DICER1: variants seen among roughly 807,000 people sequenced by gnomAD.
The protein encoded by DICER1 is dicer 1, ribonuclease III.
Under a neutral mutation model 194.1 loss-of-function variants are expected in DICER1, and 43 were observed. The ratio of observed to expected loss-of-function variants is 0.22; its 90% CI spans 0.17 to 0.29. DICER1 has a LOEUF of 0.29. Ranked by LOEUF, DICER1 falls within the 10% of genes least tolerant of loss-of-function variation. DICER1 has a pLI of 1.00. For missense variants in DICER1, 1,608 were observed against 2,317.0 expected (o/e 0.69, Z 6.28); for synonymous variants, 832 against 820.5 (o/e 1.01, Z -0.24).
In DICER1 at chr14:95,096,162, CA is replaced by C; in HGVS notation, c.4757del (p.Leu1586ArgfsTer3). 6.2e-7 allele frequency: 1 copy of C among 1,614,208 alleles called. No homozygotes were observed. The highest frequency in any genetic ancestry group is 1.1e-5 in the South Asian group (1 of 91,084). On this transcript the variant is annotated frameshift_variant, in exon 23 of 27. Transcript: ENST00000343455. LOFTEE classifies it high-confidence loss of function. ...ERAAQLFLCS[L>X]GLKVLPVIKR... ...TAATTACCGGGAGCACCTTCAGCCC[CA>C]GTGAACAGAGGAAAAGCTGAGCAGC...
At chr14:95,108,665 G>A (rs1891680992) in intron 14 of DICER1, among the ~76,000 whole-genome samples, 162 bp from the exon 15 acceptor site, 1 of 152,196 alleles carries the variant, frequency 6.6e-6, no homozygotes, top group Admixed American at 6.5e-5. Context: ...AACCCTGCTG[G>A]GTAAGTCAGC....
intron 20 of DICER1, among the ~76,000 whole-genome samples, chr14:95,104,839 C>T (rs897049793): frequency 2.6e-5 from 4 of 152,208 alleles, no homozygotes; most frequent in Admixed American, 2.6e-4. Context: ...AATGCTGATG[C>T]AGTAACAAAG....
rs2139776894 is a variant in DICER1, at chr14:95,091,249, C to T, written c.5481G>A (p.Leu1827=). The change falls in exon 25 of 27, where the codon CTG becomes CTA. Residue 1827 remains leucine, a synonymous_variant. Coordinates refer to ENST00000343455, the MANE Select transcript of DICER1 (RefSeq NM_177438.3). ...GAIYMDSGMS[L]ETVWQVYYPM... ...GATAGTACACCTGCCAGACTGTCTCCAGTGACATCCCACTATCCATGTAAA... is the reference window on the plus strand; with the variant it reads ...GATAGTACACCTGCCAGACTGTCTCTAGTGACATCCCACTATCCATGTAAA... 6.2e-7 allele frequency: 1 copy of T among 1,614,124 alleles called. No individual in the cohort carries two copies. The highest frequency in any genetic ancestry group is 8.5e-7 in the Non-Finnish European group (1 of 1,180,028).
intron 8 of DICER1, among the ~76,000 whole-genome samples, chr14:95,121,037 G>A (rs1279374236): frequency 6.6e-6 from 1 of 152,086 alleles, no homozygotes; most frequent in Non-Finnish European, 1.5e-5. Flanking sequence ...TACCATGAGA[G>A]CCCCCTGATA....
rs1231360252 is a variant in DICER1, at chr14:95,104,051, T to C, written c.3345A>G (p.Ser1115=). The C allele has an allele frequency of 6.2e-7, 1 of 1,614,004 alleles. No individual in the cohort carries two copies. Among genetic ancestry groups the C allele is most frequent in the African/African-American group, 1.3e-5 (1 of 74,918 alleles). The change falls in exon 21 of 27, where the codon TCA becomes TCG. Residue 1115 remains serine (S), a synonymous_variant. Coordinates refer to ENST00000343455, the MANE Select transcript of DICER1 (RefSeq NM_177438.3). ...GCTTACAGTAATTATCATTTTCAGC[T>C]GAAGAGGAGTTAGAAATTGAGATGA... is the stretch of plus-strand genomic sequence containing the variant. ...KSFISISNSS[S]AENDNYCKHS... is the part of the protein sequence containing the mutation.
In DICER1 at chr14:95,105,855, C is replaced by T. The variant is rs1891371453; in HGVS notation, c.2988-72G>A. On this transcript the variant is annotated intron_variant, in intron 18 of 26. Coordinates refer to ENST00000343455, the MANE Select transcript of DICER1 (RefSeq NM_177438.3). This position sits in a 1 kb window ranked among gnomAD's most constrained non-coding sequence, Gnocchi z 4.9. ...CATATTCACAGTGGTTCTCCAAAAA[C>T]CACCTGAAGAGCTCATTTCAACTAC... 11 of 1,457,304 alleles carry T rather than the reference C, an allele frequency of 7.5e-6. No homozygotes were observed. The South Asian group carries it at 1.0e-4, about 14-fold the overall frequency. 90.3% of individuals were successfully genotyped at this position (1,457,304 alleles called of 1,614,324 possible).
At position 95,086,836 on chromosome 14, in the gene DICER1, A is replaced by G; in HGVS notation, c.*3662T>C. The G allele has an allele frequency of 4.3e-6, 1 of 232,598 alleles. No homozygotes were observed. The highest frequency in any genetic ancestry group is 6.1e-5 in the East Asian group (1 of 16,360). 14.4% of individuals were successfully genotyped at this position (232,598 alleles called of 1,614,324 possible). A position where few individuals can be genotyped will look rare whatever the true frequency, so the allele number is the denominator to read the frequency against. ...GAAATAATTAAATTCCTGAAAAGTAATCAGTGGTTGGAAAAATATAATTAT... is the reference window on the plus strand; with the variant it reads ...GAAATAATTAAATTCCTGAAAAGTAGTCAGTGGTTGGAAAAATATAATTAT... On this transcript the variant is annotated 3_prime_UTR_variant, in exon 27 of 27. Transcript: ENST00000343455.
intron 11 of DICER1, among the ~76,000 whole-genome samples, chr14:95,114,045 C>A (rs1429648989): frequency 3.9e-5 from 6 of 152,162 alleles, no homozygotes; most frequent in African/African-American, 1.4e-4. Context: ...GAGATATCAA[C>A]AGATAGACAC....
rs143418002 is a variant in DICER1 at position 95,099,599 on chromosome 14, GAA to G, written c.4206+179_4206+180del. On this transcript the variant is annotated intron_variant, in intron 22 of 26. Transcript: ENST00000343455. ...TTATAATACTATTTCTGAATTCAGT[GAA>G]AAGACAGTGTAATTAAAGGAATTAA... 6.9e-4 allele frequency among the ~76,000 whole-genome samples: 105 copies of G among 152,104 alleles called. No individual in the cohort carries two copies. The East Asian group carries it at 0.018, about 25-fold the overall frequency.
rs1221590835 is a variant in DICER1 at position 95,089,531 on chromosome 14, C to T, written c.*967G>A. On this transcript the variant is annotated 3_prime_UTR_variant, in exon 27 of 27. Coordinates refer to ENST00000343455, the MANE Select transcript of DICER1 (RefSeq NM_177438.3). ...ACAGCCTAGAAGGCAAAATTATTTG[C>T]CATAAACATTTCCATCAGTGGGAAC... 4.3e-6 allele frequency: 1 copy of T among 231,764 alleles called. No individual in the cohort carries two copies. The highest frequency in any genetic ancestry group is 6.1e-5 in the East Asian group (1 of 16,322). The allele number at this position is 231,764 out of a possible 1,614,324, so 14.4% of individuals were successfully genotyped here.
chr14:95,117,490 A>T, intron 9 of DICER1, 132 bp downstream of exon 9: 1 of 948,580 alleles, frequency 1.1e-6, no homozygotes, highest in South Asian at 1.4e-5. Flanking sequence ...GGTCTAATAT[A>T]TGAAGAAGTA....
Position 95,124,479 on chromosome 14 carries a change from G to A in DICER1, c.1093C>T (p.Pro365Ser), listed in dbSNP as rs1595439559. 1 of 1,614,136 alleles carries A rather than the reference G, an allele frequency of 6.2e-7. No individual in the cohort carries two copies. The highest frequency in any genetic ancestry group is 1.7e-5 in the Admixed American group (1 of 60,024). Reference sequence around the variant, plus strand: ...ACAAATTTCAGGTCAAGTGAGGCAGGTGAGAAGTGCTCTTCACATAGTGCA... The same window carrying A: ...ACAAATTTCAGGTCAAGTGAGGCAGATGAGAAGTGCTCTTCACATAGTGCA... ...IHALCEEHFS[P>S]ASLDLKFVTP... The change falls in exon 8 of 27, where the codon CCT becomes TCT. Residue 365 changes from proline to serine, a missense_variant. Physicochemically the swap from Pro to Ser is moderately conservative, Grantham distance 74. Coordinates refer to ENST00000343455, the MANE Select transcript of DICER1 (RefSeq NM_177438.3). This position sits in a 1 kb window ranked among gnomAD's most constrained non-coding sequence, Gnocchi z 4.5.
rs1595366319 is a variant in DICER1, at chr14:95,103,871, A to C, written c.3525T>G (p.Ile1175Met). 1 of 1,614,182 alleles carries C rather than the reference A, an allele frequency of 6.2e-7. No individual in the cohort carries two copies. Among genetic ancestry groups the C allele is most frequent in the Non-Finnish European group, 8.5e-7 (1 of 1,180,036 alleles). Reference sequence around the variant, plus strand: ...GATTTTGATTGTAAGAAAGACCATTAATTGCTGTAAGATCTGCTGAAACTT... The same window carrying C: ...GATTTTGATTGTAAGAAAGACCATTCATTGCTGTAAGATCTGCTGAAACTT... ...HVEVSADLTA[I>M]NGLSYNQNLA... Residue 1175 changes from isoleucine (I) to methionine (M), a missense_variant, in exon 21 of 27, where the codon ATT (isoleucine) becomes ATG (methionine). Physicochemically the swap from Ile to Met is conservative, Grantham distance 10. Around this residue, in one of 10 missense-constraint regions of DICER1, gnomAD observed 222 missense variants for 215.5 expected, o/e 1.03. Coordinates refer to ENST00000343455, the MANE Select transcript of DICER1 (RefSeq NM_177438.3).
At chr14:95,103,191 G>A (rs901922697) in intron 21 of DICER1, among the ~76,000 whole-genome samples, 155 bp downstream of exon 21, 3 of 152,160 alleles carry the variant, frequency 2.0e-5, no homozygotes, top group African/African-American at 7.2e-5. Flanking sequence ...ACAGGCTTTC[G>A]CTGGCCCTGG....
chr14:95,115,315 T>C (rs1424524642), intron 11 of DICER1, among the ~76,000 whole-genome samples: 1 of 152,142 alleles, frequency 6.6e-6, no homozygotes, highest in Non-Finnish European at 1.5e-5. Flanking sequence ...ACAATCTTAC[T>C]TTATTGCTAG....
chr14:95,133,402 A>G lies in DICER1; in HGVS notation c.57T>C (p.Pro19=), dbSNP rs755782141. 1 of 1,614,120 alleles carries G rather than the reference A, an allele frequency of 6.2e-7. No homozygotes were observed. The highest frequency in any genetic ancestry group is 1.7e-5 in the Admixed American group (1 of 60,012). ...AGAAAGGACCCATTGGTGAGGAAGC[A>G]GGGGTCATGAGCTGCAGGCCTGCCA... ...LSMAGLQLMT[P]ASSPMGPFFG... The change falls in exon 2 of 27, where the codon CCT becomes CCC. Residue 19 remains proline (P), a synonymous_variant. Transcript: ENST00000343455.
chr14:95,106,821 A>G (rs1891468324), intron 17 of DICER1, among the ~76,000 whole-genome samples: 1 of 152,192 alleles, frequency 6.6e-6, no homozygotes, highest in Non-Finnish European at 1.5e-5. Flanking sequence ...CACAGAGCTT[A>G]ATATTCCTTA....
chr14:95,137,322 A>G (rs1416691630), intron 1 of DICER1, among the ~76,000 whole-genome samples: 1 of 138,208 alleles, frequency 7.2e-6, no homozygotes, highest in Non-Finnish European at 1.6e-5. Flanking sequence ...GGAAAGGGGA[A>G]GAGGAAAGGG....
At chr14:95,150,968 A>C (rs141175142) in intron 1 of DICER1, among the ~76,000 whole-genome samples, 122 of 152,322 alleles carry the variant, frequency 8.0e-4, no homozygotes, top group Non-Finnish European at 1.6e-3. Flanking sequence ...GGTTCTAGAG[A>C]TCCTCCTGCC....
Sources: gnomAD v4.1 joint callset for allele counts (sites outside exome capture counted in the v4.1 genomes callset) on GRCh38, gnomAD v4.1.1 for gene constraint, gnomAD v4.1.1 regional missense constraint, Gnocchi (gnomAD v3.1) non-coding constraint, MANE v1.5 for transcripts, NCBI Gene and HGNC (gene_info 2026-07-23, HGNC 2026-07-21) for gene names.